Variants in ANKRD28 observed in about 807,000 individuals in gnomAD.
The protein encoded by ANKRD28 is serine/threonine-protein phosphatase 6 regulatory ankyrin repeat subunit A.
In ANKRD28, 44 loss-of-function variants were observed where a neutral mutation model predicts 126.5. The ratio of observed to expected loss-of-function variants is 0.35; its 90% CI spans 0.27 to 0.45. The LOEUF is 0.45. ANKRD28 is among the 20% of genes least tolerant of loss of function. The pLI is 1.00. For synonymous variants in ANKRD28, 442 were observed against 468.5 expected (o/e 0.94, Z 0.73); for missense variants, 1,110 against 1,316.6 (o/e 0.84, Z 2.43).
chr3:15,758,085 C>T (rs1575564940), intron 3 of ANKRD28, among the ~76,000 whole-genome samples: 1 of 152,280 alleles, frequency 6.6e-6, no homozygotes, highest in African/African-American at 2.4e-5. Flanking sequence ...AAAGTTATTG[C>T]TAACTTTATA....
chr3:15,746,817 T>C (rs1266565905), intron 4 of ANKRD28, among the ~76,000 whole-genome samples: 1 of 152,204 alleles, frequency 6.6e-6, no homozygotes, highest in Non-Finnish European at 1.5e-5. Context: ...TGTGAATCTA[T>C]CCAGTCCTGG....
rs58655271 is a variant in ANKRD28, at chr3:15,741,697, C to CTTTTTTT, written c.352-4471_352-4465dup. 6.2e-4 allele frequency among the ~76,000 whole-genome samples: 21 copies of CTTTTTTT among 33,658 alleles called. 1 individual carries two copies. Among genetic ancestry groups the CTTTTTTT allele is most frequent in the African/African-American group, 1.4e-3 (16 of 11,124 alleles). 22.1% of individuals were successfully genotyped at this position (33,658 alleles called of 152,430 possible). On this transcript the variant is annotated intron_variant, in intron 4 of 27. Coordinates refer to ENST00000683139, the MANE Select transcript of ANKRD28 (RefSeq NM_001349278.2). ...ACCAGTTTTCCCCTTTGGTTCTATC[C>CTTTTTTT]TTTTTTTTTTTTTTTTTTTTTTTTT...
rs2060832210 is a variant in ANKRD28 at position 15,816,417 on chromosome 3, G to A, written c.28-21111C>T. On this transcript the variant is annotated intron_variant, in intron 1 of 27. Coordinates refer to the ANKRD28 transcript ENST00000399451. This position sits in a 1 kb window ranked among gnomAD's most constrained non-coding sequence, Gnocchi z 5.0. ...TTTCCTTTTCCCTGATTTGTAATAT[G>A]GGGTTATTAAGACCAGCTTAAGTTA... 6.6e-6 allele frequency among the ~76,000 whole-genome samples: 1 copy of A among 152,058 alleles called. No homozygotes were observed. The highest frequency in any genetic ancestry group is 2.4e-5 in the African/African-American group (1 of 41,392).
In ANKRD28 at chr3:15,695,291, T is replaced by C. The variant is rs1033710831; in HGVS notation, c.1660-77A>G. The C allele has an allele frequency of 1.5e-5, 17 of 1,101,020 alleles. No homozygotes were observed. The African/African-American group carries it at 2.5e-4, about 16-fold the overall frequency. 68.2% of individuals were successfully genotyped at this position (1,101,020 alleles called of 1,614,324 possible). A position where few individuals can be genotyped will look rare whatever the true frequency, so the allele number is the denominator to read the frequency against. On this transcript the variant is annotated intron_variant, in intron 15 of 27. Coordinates refer to ENST00000683139, the MANE Select transcript of ANKRD28 (RefSeq NM_001349278.2). ...ATTAAGTCTCAACTTATATAGAGCT[T>C]TGCTAACTTTTACCCTAAACCCGTG...
At chr3:15,686,489 T>C (rs2068144788) in intron 18 of ANKRD28, 180 bp from the exon 19 acceptor site, 4 of 604,962 alleles carry the variant, frequency 6.6e-6, no homozygotes, top group Non-Finnish European at 1.2e-5. Context: ...AAAGCTGGAA[T>C]AAATGTGAAT....
At chr3:15,684,679 T>G (rs1461091368) in intron 21 of ANKRD28, 1 of 152,832 alleles carries the variant, frequency 6.5e-6, no homozygotes, top group Non-Finnish European at 1.5e-5. Flanking sequence ...TAAGCCCAGT[T>G]GTTCAAGACC....
intron 2 of ANKRD28, among the ~76,000 whole-genome samples, chr3:15,783,030 AGTTTT>A (rs2059606832): frequency 6.6e-6 from 1 of 152,038 alleles, no homozygotes. Context: ...ACAATGGGAC[AGTTTT>A]TTTTTAAGAT....
At position 15,817,262 on chromosome 3, in the gene ANKRD28, T is replaced by TC. The variant is rs2060850981; in HGVS notation, c.28-21957_28-21956insG. Among the ~76,000 whole-genome samples the TC allele has an allele frequency of 1.1e-5, 1 of 89,230 alleles. No homozygotes were observed. The allele number at this position is 89,230 out of a possible 152,430, so 58.5% of individuals were successfully genotyped here. On this transcript the variant is annotated intron_variant, in intron 1 of 27. Coordinates refer to the ANKRD28 transcript ENST00000399451. The surrounding 1 kb of genome is among the most constrained non-coding windows in gnomAD (Gnocchi z 4.5). ...TTTTATCTTGTCAGTAGAAGTACCATGGTTTTTTTTTCCTTGTTATTTTGT... is the reference window on the plus strand; with the variant it reads ...TTTTATCTTGTCAGTAGAAGTACCATCGGTTTTTTTTTCCTTGTTATTTTGT...
At chr3:15,844,879 A>G (rs934247260) in intron 1 of ANKRD28, among the ~76,000 whole-genome samples, 12 of 152,214 alleles carry the variant, frequency 7.9e-5, no homozygotes, top group Non-Finnish European at 1.8e-4. Context: ...ATTTATAAAG[A>G]AAAGAGGTTT....
At chr3:15,733,964 A>G (rs1182242787) in intron 6 of ANKRD28, among the ~76,000 whole-genome samples, 2 of 152,222 alleles carry the variant, frequency 1.3e-5, no homozygotes, top group Non-Finnish European at 2.9e-5. Context: ...ATCTAGAAAG[A>G]GTGTATTATA....
chr3:15,727,596 A>C (rs9827241), intron 6 of ANKRD28, among the ~76,000 whole-genome samples: 1,741 of 147,640 alleles, frequency 0.012, 106 homozygotes, highest in African/African-American at 0.042. Flanking sequence ...AAAAAGAAAG[A>C]AAGAAAGAAC....
intron 14 of ANKRD28, among the ~76,000 whole-genome samples, chr3:15,696,585 T>C (rs1409128981): frequency 6.6e-6 from 1 of 152,034 alleles, no homozygotes; most frequent in African/African-American, 2.4e-5. Flanking sequence ...AAACTTTTCG[T>C]GGTGGTGAGT....
chr3:15,815,647 A>G lies in ANKRD28; in HGVS notation c.28-20341T>C, dbSNP rs2060817528. ...ATCGTCATCAATGCTATGACAAAGA[A>G]TCATCTTTGTTATAGTAATTACTAT... On this transcript the variant is annotated intron_variant, in intron 1 of 27. Coordinates refer to the ANKRD28 transcript ENST00000399451. The surrounding 1 kb of genome is among the most constrained non-coding windows in gnomAD (Gnocchi z 4.1). Among the ~76,000 whole-genome samples the G allele has an allele frequency of 6.6e-6, 1 of 152,154 alleles. No individual in the cohort carries two copies. The highest frequency in any genetic ancestry group is 2.1e-4 in the South Asian group (1 of 4,824).
At chr3:15,691,272 T>C (rs2068763312) in intron 17 of ANKRD28, among the ~76,000 whole-genome samples, 1 of 152,006 alleles carries the variant, frequency 6.6e-6, no homozygotes, top group East Asian at 1.9e-4. Context: ...TACAGGCGCA[T>C]GCCACCATGC....
intron 2 of ANKRD28, among the ~76,000 whole-genome samples, chr3:15,789,293 C>T (rs1295418540): frequency 2.0e-5 from 3 of 151,982 alleles, no homozygotes; most frequent in African/African-American, 7.3e-5. Context: ...AGGGGATGAA[C>T]CAGGTGATGA....
chr3:15,796,645 T>TTC lies in ANKRD28; in HGVS notation c.-125_-124insGA, dbSNP rs2060289348. 15 of 893,602 alleles carry TTC rather than the reference T, an allele frequency of 1.7e-5. No homozygotes were observed. Among genetic ancestry groups the TTC allele is most frequent in the African/African-American group, 4.8e-5 (2 of 41,246 alleles). The allele number at this position is 893,602 out of a possible 1,614,324, so 55.4% of individuals were successfully genotyped here. A position where few individuals can be genotyped will look rare whatever the true frequency, so the allele number is the denominator to read the frequency against. ...CATTCTCTGAACAGCACAGCTGGGT[T>TTC]TTTTTTTTTTTTAAAGTTAATAAGT... is the stretch of plus-strand genomic sequence containing the variant. On this transcript the variant is annotated 5_prime_UTR_variant, in exon 1 of 28. Coordinates refer to ENST00000683139, the MANE Select transcript of ANKRD28 (RefSeq NM_001349278.2).
upstream of ANKRD28, among the ~76,000 whole-genome samples, chr3:15,801,392 C>A (rs1412137706): frequency 6.6e-6 from 1 of 152,086 alleles, no homozygotes; most frequent in East Asian, 1.9e-4. The surrounding 1 kb of genome is among the most constrained non-coding windows in gnomAD (Gnocchi z 4.9). Context: ...TTTTGTCTTA[C>A]ACATCTGTGA....
chr3:15,731,723 G>A (rs932871368), intron 6 of ANKRD28, among the ~76,000 whole-genome samples: 6 of 151,656 alleles, frequency 4.0e-5, no homozygotes, highest in African/African-American at 1.2e-4. Flanking sequence ...GGTGGCAGGC[G>A]CCTGTAGTCC....
intron 15 of ANKRD28, among the ~76,000 whole-genome samples, chr3:15,695,816 C>T (rs1176257577): frequency 3.3e-5 from 5 of 152,052 alleles, no homozygotes; most frequent in African/African-American, 1.2e-4. Context: ...ACTTTTATTT[C>T]TCACAAAAGA....
Sources: gnomAD v4.1 joint callset for allele counts (sites outside exome capture counted in the v4.1 genomes callset) on GRCh38, gnomAD v4.1.1 for gene constraint, Gnocchi (gnomAD v3.1) non-coding constraint, MANE v1.5 for transcripts, NCBI Gene and HGNC (gene_info 2026-07-23, HGNC 2026-07-21) for gene names.